KIR2DL3: variants seen among roughly 807,000 people sequenced by gnomAD.
The protein encoded by KIR2DL3 is killer cell immunoglobulin-like receptor 2DL3.
In KIR2DL3, 39 loss-of-function variants were observed where a neutral mutation model predicts 33.8. The observed-to-expected ratio is 1.15, with a 90% CI of 0.89 to 1.51. The LOEUF (loss-of-function observed/expected upper bound fraction) is 1.51. KIR2DL3 is among the 40% of genes most tolerant of loss of function. The pLI, the probability that KIR2DL3 is intolerant of heterozygous loss-of-function variation, is 0.00. For missense variants in KIR2DL3, 462 were observed against 426.2 expected (o/e 1.08, Z -0.74); for synonymous variants, 174 against 160.2 (o/e 1.09, Z -0.65).
chr19:54,741,845 C>T lies in KIR2DL3; in HGVS notation c.71-135C>T, dbSNP rs1456953651. 182 of 1,249,150 alleles carry T rather than the reference C, an allele frequency of 1.5e-4. No individual in the cohort carries two copies. The African/African-American group carries it at 2.4e-3, about 16-fold the overall frequency. The allele number at this position is 1,249,150 out of a possible 1,614,324, so 77.4% of individuals were successfully genotyped here. On this transcript the variant is annotated intron_variant, in intron 2 of 7. Transcript: ENST00000342376. ...AAGGACCTGCACCAGGAGTTAAGGG[C>T]ACAGAAAAGAACATGAAGACACAGA... is the stretch of plus-strand genomic sequence containing the variant.
intron 5 of KIR2DL3, among the ~76,000 whole-genome samples, chr19:54,748,564 G>A (rs922165085): frequency 1.3e-5 from 2 of 148,596 alleles, no homozygotes; most frequent in Admixed American, 6.9e-5. Flanking sequence ...GAATGCACAA[G>A]TGGATCTATA....
Position 54,751,687 on chromosome 19 carries a change from G to A in KIR2DL3, c.754G>A (p.Val252Met). Residue 252 changes from valine to methionine, a missense_variant, in exon 6 of 8, where the codon GTG becomes ATG. Val to Met is a conservative substitution (Grantham distance 21). Transcript: ENST00000342376. ...RHLHVLIGTSVVIILFILLLF... is the reference protein window; with the variant it reads ...RHLHVLIGTSMVIILFILLLF... Reference sequence around the variant, plus strand: ...CCTGCATGTTCTGATTGGGACCTCAGTGGTCATCATCCTCTTCATCCTCCT... The same window carrying A: ...CCTGCATGTTCTGATTGGGACCTCAATGGTCATCATCCTCTTCATCCTCCT... The A allele has an allele frequency of 1.4e-6, 2 of 1,478,658 alleles. No homozygotes were observed. The highest frequency in any genetic ancestry group is 1.8e-5 in the Admixed American group (1 of 54,908). 91.6% of individuals were successfully genotyped at this position (1,478,658 alleles called of 1,614,324 possible). A position where few individuals can be genotyped will look rare whatever the true frequency, so the allele number is the denominator to read the frequency against.
chr19:54,744,921 C>CATATATATATGTGTGTATATATATAT (rs2072105959), intron 4 of KIR2DL3, among the ~76,000 whole-genome samples: 5 of 25,276 alleles, frequency 2.0e-4, no homozygotes, highest in Admixed American at 1.3e-3. Flanking sequence ...CATATATAAA[C>CATATATATATGTGTGTATATATATAT]ATATATATAT....
At chr19:54,745,584 A>C (rs2072346867) in intron 4 of KIR2DL3, among the ~76,000 whole-genome samples, 1 of 150,528 alleles carries the variant, frequency 6.6e-6, no homozygotes, top group Non-Finnish European at 1.5e-5. Flanking sequence ...GGCTGCTCTC[A>C]AACTCATGAC....
At chr19:54,744,932 ATATATATATATATATATATATATTTTT>A (rs1297186861) in intron 4 of KIR2DL3, among the ~76,000 whole-genome samples, 5 of 23,528 alleles carry the variant, frequency 2.1e-4, no homozygotes, top group African/African-American at 5.6e-4. Flanking sequence ...ATATATATAT[ATATATATATATATATATATATATTTTT>A]TTTTTTTTTT....
chr19:54,742,343 C>T (rs1382360912), intron 3 of KIR2DL3, 64 bp downstream of exon 3: 6 of 1,355,130 alleles, frequency 4.4e-6, no homozygotes, highest in Non-Finnish European at 5.2e-6. Context: ...CGACTTGGAA[C>T]CCCCAGGTAG....
Position 54,752,284 on chromosome 19 carries a change from C to G in KIR2DL3, c.873+16C>G. On this transcript the variant is annotated intron_variant, in intron 7 of 7. Coordinates refer to ENST00000342376, the MANE Select transcript of KIR2DL3 (RefSeq NM_015868.3). ...GAACAGGGAGGTAGGTGCTCCTCGGCCCAGCCTCGTGGCTAGTGTTATTCC... is the reference window on the plus strand; with the variant it reads ...GAACAGGGAGGTAGGTGCTCCTCGGGCCAGCCTCGTGGCTAGTGTTATTCC... 5.4e-6 allele frequency: 8 copies of G among 1,485,698 alleles called. No homozygotes were observed. Among genetic ancestry groups the G allele is most frequent in the African/African-American group, 1.5e-5 (1 of 66,052 alleles). The allele number at this position is 1,485,698 out of a possible 1,614,324, so 92.0% of individuals were successfully genotyped here.
intron 3 of KIR2DL3, among the ~76,000 whole-genome samples, chr19:54,743,037 A>T (rs567102521): frequency 0.06 from 9,082 of 151,826 alleles, 331 homozygotes; most frequent in African/African-American, 0.12. Flanking sequence ...AAGCACTAAA[A>T]TTAGAGTCCT....
At chr19:54,748,583 A>G (rs984448046) in intron 5 of KIR2DL3, among the ~76,000 whole-genome samples, 35 of 148,998 alleles carry the variant, frequency 2.3e-4, no homozygotes, top group African/African-American at 5.9e-4. Flanking sequence ...TAAATGAATG[A>G]TCCATTGGGA....
chr19:54,743,404 G>A (rs1227058731), intron 3 of KIR2DL3, among the ~76,000 whole-genome samples: 4 of 152,178 alleles, frequency 2.6e-5, no homozygotes, highest in African/African-American at 7.2e-5. Flanking sequence ...TAGATGACAG[G>A]TAGAGAATTT....
At chr19:54,738,794 G>C (rs1196113464) in intron 1 of KIR2DL3, among the ~76,000 whole-genome samples, 1 of 149,864 alleles carries the variant, frequency 6.7e-6, no homozygotes, top group Non-Finnish European at 1.5e-5. Flanking sequence ...TGGGCTTGTA[G>C]TGGAGACATG....
intron 4 of KIR2DL3, 121 bp downstream of exon 4, chr19:54,744,209 G>C: frequency 6.7e-7 from 1 of 1,482,242 alleles, no homozygotes; most frequent in South Asian, 1.2e-5. Context: ...TTGGGTGTGA[G>C]GGAGGGATCA....
At position 54,752,645 on chromosome 19, in the gene KIR2DL3, G is replaced by T; in HGVS notation, c.*126G>T. ...GTACCAGCAGCTGGAATCTGAAGGCGTGAGTCTGCATCTTAGGGCATCGCT... is the reference window on the plus strand; with the variant it reads ...GTACCAGCAGCTGGAATCTGAAGGCTTGAGTCTGCATCTTAGGGCATCGCT... On this transcript the variant is annotated 3_prime_UTR_variant, in exon 8 of 8. Transcript: ENST00000342376. The T allele has an allele frequency of 8.4e-7, 1 of 1,184,546 alleles. No individual in the cohort carries two copies. Among genetic ancestry groups the T allele is most frequent in the South Asian group, 1.5e-5 (1 of 66,968 alleles). 73.4% of individuals were successfully genotyped at this position (1,184,546 alleles called of 1,614,324 possible). A position where few individuals can be genotyped will look rare whatever the true frequency, so the allele number is the denominator to read the frequency against.
chr19:54,740,860 G>A (rs1434477504), intron 2 of KIR2DL3, among the ~76,000 whole-genome samples: 6 of 152,144 alleles, frequency 3.9e-5, no homozygotes, highest in African/African-American at 1.4e-4. Flanking sequence ...GCACATGAAA[G>A]GAGGAGGAAG....
At position 54,744,042 on chromosome 19, in the gene KIR2DL3, A is replaced by G. The variant is rs595008; in HGVS notation, c.618A>G (p.Pro206=). The G allele has an allele frequency of 6.5e-7, 1 of 1,543,404 alleles. No individual in the cohort carries two copies. The highest frequency in any genetic ancestry group is 8.8e-7 in the Non-Finnish European group (1 of 1,131,616). ...YRCFGSFRDS[P]YEWSNSSDPL... ...GCTTCGGCTCTTTCCGTGACTCTCC[A>G]TACGAGTGGTCAAACTCGAGTGACC... The change falls in exon 4 of 8, where the codon CCA becomes CCG. Residue 206 remains proline (P), a synonymous_variant. Coordinates refer to ENST00000342376, the MANE Select transcript of KIR2DL3 (RefSeq NM_015868.3).
chr19:54,741,799 A>T (rs2071171869), intron 2 of KIR2DL3, among the ~76,000 whole-genome samples, 181 bp from the exon 3 acceptor site: 1 of 151,742 alleles, frequency 6.6e-6, no homozygotes, highest in African/African-American at 2.4e-5. Flanking sequence ...AGGGACAGAG[A>T]AGAGGGAGGG....
At chr19:54,750,500 C>G (rs1214906632) in intron 5 of KIR2DL3, among the ~76,000 whole-genome samples, 1 of 138,592 alleles carries the variant, frequency 7.2e-6, no homozygotes, top group African/African-American at 2.7e-5. Context: ...TTCTACTTAG[C>G]TTTTTTTATC....
chr19:54,744,977 T>TTTTTTTTTA (rs2072197516), intron 4 of KIR2DL3, among the ~76,000 whole-genome samples: 1 of 93,050 alleles, frequency 1.1e-5, no homozygotes, highest in African/African-American at 4.2e-5. Context: ...TTTTTTTTTT[T>TTTTTTTTTA]ACCCTCCACC....
intron 4 of KIR2DL3, among the ~76,000 whole-genome samples, chr19:54,744,460 C>A (rs924373086): frequency 6.6e-6 from 1 of 152,182 alleles, no homozygotes; most frequent in Non-Finnish European, 1.5e-5. Context: ...GCAACCCCTA[C>A]ACCCTTTACT....
Sources: allele counts gnomAD v4.1 joint callset (sites outside exome capture counted in the v4.1 genomes callset), GRCh38; gene constraint gnomAD v4.1.1; transcripts MANE v1.5; gene names NCBI Gene and HGNC (gene_info 2026-07-23, HGNC 2026-07-21).